LMNTD1: variants seen among roughly 807,000 people sequenced by gnomAD.
LMNTD1 encodes the protein lamin tail domain containing 1.
A neutral mutation model predicts 50.9 loss-of-function variants in LMNTD1; 35 were observed. The observed-to-expected ratio is 0.69, with a 90% CI of 0.53 to 0.91. The LOEUF is 0.91. Ranked by LOEUF, LMNTD1 falls within the 40% of genes least tolerant of loss-of-function variation. The pLI, the probability that LMNTD1 is intolerant of heterozygous loss-of-function variation, is 0.00. For missense variants in LMNTD1, 470 were observed against 475.5 expected (o/e 0.99, Z 0.11); for synonymous variants, 153 against 161.9 (o/e 0.94, Z 0.42).
At chr12:25,519,592 A>T (rs1209931084) in intron 7 of LMNTD1, among the ~76,000 whole-genome samples, 1 of 145,144 alleles carries the variant, frequency 6.9e-6, no homozygotes, top group Non-Finnish European at 1.5e-5. Flanking sequence ...TGTCTCAAAA[A>T]AAAAAAAAAA....
rs1381686633 is a variant in LMNTD1 at position 25,568,883 on chromosome 12, C to G, written c.59-22329G>C. ...ATCAGAAAGCCTCCTAGGCTTCTGC[C>G]TAACCCCTAACTCAGGTAGAAGCCT... On this transcript the variant is annotated intron_variant, in intron 1 of 7. Coordinates refer to the LMNTD1 transcript ENST00000445693. Among the ~76,000 whole-genome samples, 6 of 152,226 alleles carry G rather than the reference C, an allele frequency of 3.9e-5. No homozygotes were observed. The East Asian group carries it at 1.2e-3, about 29-fold the overall frequency.
chr12:25,644,766 G>T (rs1312977461), intron 1 of LMNTD1, among the ~76,000 whole-genome samples: 1 of 152,110 alleles, frequency 6.6e-6, no homozygotes, highest in African/African-American at 2.4e-5. Context: ...GAAAGGTGAG[G>T]GTGGGTAGGA....
intron 1 of LMNTD1, among the ~76,000 whole-genome samples, chr12:25,607,634 T>C (rs1364784898): frequency 1.3e-5 from 2 of 152,226 alleles, no homozygotes; most frequent in Non-Finnish European, 2.9e-5. Context: ...TTCCATGTAG[T>C]TGAGCGGTTT....
chr12:25,646,039 C>A (rs2136637681), intron 1 of LMNTD1, among the ~76,000 whole-genome samples: 1 of 152,144 alleles, frequency 6.6e-6, no homozygotes, highest in Non-Finnish European at 1.5e-5. Context: ...TGCATTGTAT[C>A]TAATAATTCT....
chr12:25,498,933 G>A (rs973075865), intron 9 of LMNTD1, among the ~76,000 whole-genome samples: 14 of 152,098 alleles, frequency 9.2e-5, no homozygotes, highest in Admixed American at 2.0e-4. Flanking sequence ...AATTCTGACC[G>A]GAATGCTTCA....
At chr12:25,632,955 T>G (rs1438778148) in intron 1 of LMNTD1, among the ~76,000 whole-genome samples, 1 of 150,944 alleles carries the variant, frequency 6.6e-6, no homozygotes, top group Non-Finnish European at 1.5e-5. Context: ...TCACATAAAC[T>G]TAAAGTAAAA....
Position 25,488,186 on chromosome 12 carries a change from C to A in LMNTD1, c.*23-11726G>T, listed in dbSNP as rs902075157. 5.3e-4 allele frequency among the ~76,000 whole-genome samples: 75 copies of A among 141,124 alleles called. 1 individual carries two copies. The highest frequency in any genetic ancestry group is 7.6e-4 in the Non-Finnish European group (48 of 63,540). 92.6% of individuals were successfully genotyped at this position (141,124 alleles called of 152,430 possible). A position where few individuals can be genotyped will look rare whatever the true frequency, so the allele number is the denominator to read the frequency against. On this transcript the variant is annotated intron_variant, in intron 9 of 9. Coordinates refer to ENST00000458174, the MANE Select transcript of LMNTD1 (RefSeq NM_001145728.2). ...TGAATCTGAACGTTGGCCTGCCTTGCTAGATTGGGGAAGTTCTCCTGGATA... is the reference window on the plus strand; with the variant it reads ...TGAATCTGAACGTTGGCCTGCCTTGATAGATTGGGGAAGTTCTCCTGGATA...
intron 1 of LMNTD1, among the ~76,000 whole-genome samples, chr12:25,621,999 T>C (rs1405085515): frequency 2.0e-5 from 3 of 152,210 alleles, no homozygotes; most frequent in African/African-American, 7.2e-5. Context: ...GTGGGTTGGA[T>C]CAAGGTAGTA....
intron 4 of LMNTD1, among the ~76,000 whole-genome samples, chr12:25,544,264 A>T (rs2136213650): frequency 6.6e-6 from 1 of 151,998 alleles, no homozygotes; most frequent in South Asian, 2.1e-4. Flanking sequence ...GGGTGTACAG[A>T]TATTTATAAT....
chr12:25,485,872 T>A (rs1938613869), intron 9 of LMNTD1, among the ~76,000 whole-genome samples: 1 of 145,034 alleles, frequency 6.9e-6, no homozygotes. Flanking sequence ...TATATCTCTG[T>A]TTTGGTACCA....
chr12:25,550,254 T>C (rs1459890893), intron 2 of LMNTD1, among the ~76,000 whole-genome samples: 1 of 152,194 alleles, frequency 6.6e-6, no homozygotes, highest in Non-Finnish European at 1.5e-5. Flanking sequence ...GCACAATCAT[T>C]TGAACAAGGT....
intron 1 of LMNTD1, among the ~76,000 whole-genome samples, chr12:25,612,514 C>A (rs1946270661): frequency 6.6e-6 from 1 of 152,098 alleles, no homozygotes; most frequent in South Asian, 2.1e-4. Context: ...ATCTAGGAAA[C>A]CTTTGCTGAG....
At chr12:25,552,600 A>AAAAAAAAG in intron 2 of LMNTD1, among the ~76,000 whole-genome samples, 1 of 151,060 alleles carries the variant, frequency 6.6e-6, no homozygotes, top group Non-Finnish European at 1.5e-5. Flanking sequence ...AAAAAAAAAA[A>AAAAAAAAG]ACGGAACTTT....
At chr12:25,485,177 A>C (rs1367389451) in intron 9 of LMNTD1, among the ~76,000 whole-genome samples, 1 of 143,640 alleles carries the variant, frequency 7.0e-6, no homozygotes, top group Non-Finnish European at 1.5e-5. Context: ...TTGTTTCCTG[A>C]CTTTTTAATG....
intron 1 of LMNTD1, among the ~76,000 whole-genome samples, chr12:25,612,694 G>A (rs989741588): frequency 4.6e-5 from 7 of 151,900 alleles, no homozygotes; most frequent in African/African-American, 1.7e-4. Flanking sequence ...GTCTAGAGCT[G>A]GAATGACTTT....
Position 25,526,797 on chromosome 12 carries a change from A to T in LMNTD1, c.650T>A (p.Ile217Asn), listed in dbSNP as rs138135357. The T allele has an allele frequency of 6.2e-7, 1 of 1,611,160 alleles. No homozygotes were observed. Among genetic ancestry groups the T allele is most frequent in the South Asian group, 1.1e-5 (1 of 90,406 alleles). Residue 217 changes from isoleucine (I) to asparagine (N), a missense_variant, in exon 5 of 10, where the codon ATC (isoleucine) becomes AAC (asparagine). Physicochemically the swap from Ile to Asn is moderately radical, Grantham distance 149 (BLOSUM62 -3). Transcript: ENST00000458174. ...TISLYRFLPN[I>N]VMQANSTVTV... ...TACTGTGGAATTTGCCTGCATTACG[A>T]TGTTTGGAAGGAATCGGTACAAAGA...
chr12:25,477,893 C>T lies in LMNTD1; in HGVS notation c.*23-1433G>A, dbSNP rs181220854. On this transcript the variant is annotated intron_variant, in intron 9 of 9. Coordinates refer to ENST00000458174, the MANE Select transcript of LMNTD1 (RefSeq NM_001145728.2). ...TCCCACAATATAGGCTGTCTGGAGGCTGACAAGCAAGGAAAGCCAGTCTGA... is the reference window on the plus strand; with the variant it reads ...TCCCACAATATAGGCTGTCTGGAGGTTGACAAGCAAGGAAAGCCAGTCTGA... 7.3e-3 allele frequency among the ~76,000 whole-genome samples: 1,105 copies of T among 152,120 alleles called. 6 individuals are homozygous for T. Among genetic ancestry groups the T allele is most frequent in the Non-Finnish European group, 0.012 (826 of 67,996 alleles).
At chr12:25,493,510 T>C (rs188081908) in intron 9 of LMNTD1, among the ~76,000 whole-genome samples, 249 of 152,324 alleles carry the variant, frequency 1.6e-3, no homozygotes, top group South Asian at 2.7e-3. Flanking sequence ...ATTCACAATA[T>C]ACCCACCCAA....
chr12:25,526,060 TTAA>T, intron 6 of LMNTD1, 36 bp downstream of exon 6: 1 of 1,480,168 alleles, frequency 6.8e-7, no homozygotes, highest in Non-Finnish European at 9.0e-7. Flanking sequence ...AGCACAATAT[TTAA>T]AAAAAAAAAA....
Sources: allele counts gnomAD v4.1 joint callset (sites outside exome capture counted in the v4.1 genomes callset), GRCh38; gene constraint gnomAD v4.1.1; transcripts MANE v1.5; gene names NCBI Gene and HGNC (gene_info 2026-07-23, HGNC 2026-07-21).